Variants in PILRA observed in about 807,000 individuals in gnomAD.
The protein encoded by PILRA is paired immunoglobulin-like type 2 receptor alpha.
Under a neutral mutation model 33.1 loss-of-function variants are expected in PILRA, and 37 were observed. That is an observed-to-expected ratio of 1.12 (90% CI 0.86 to 1.47). PILRA has a LOEUF of 1.47. Ranked by LOEUF, PILRA falls within the 40% of genes most tolerant of loss-of-function variation. PILRA has a pLI of 0.00. For missense variants in PILRA, 312 were observed against 376.2 expected (o/e 0.83, Z 1.41); for synonymous variants, 146 against 149.9 (o/e 0.97, Z 0.19).
chr7:100,393,326 T>A (rs78383554), intron 3 of PILRA, among the ~76,000 whole-genome samples: 2 of 152,196 alleles, frequency 1.3e-5, no homozygotes, highest in Non-Finnish European at 1.5e-5. Flanking sequence ...ATTTTTTTTT[T>A]AATTCTGCAG....
chr7:100,376,388 T>G (rs1790947459), intron 2 of PILRA: 1 of 152,048 alleles, frequency 6.6e-6, no homozygotes, highest in African/African-American at 2.4e-5. Context: ...TTTTTTTCAC[T>G]AATAAATTGT....
At chr7:100,383,173 T>C (rs1017912312) in intron 2 of PILRA, among the ~76,000 whole-genome samples, 2 of 152,094 alleles carry the variant, frequency 1.3e-5, no homozygotes, top group Non-Finnish European at 2.9e-5. Context: ...TGAGGCACAC[T>C]TGGGGAAACC....
intron 3 of PILRA, among the ~76,000 whole-genome samples, chr7:100,391,168 T>C (rs1233762096): frequency 6.0e-5 from 6 of 99,614 alleles, no homozygotes; most frequent in Non-Finnish European, 1.4e-4. Flanking sequence ...ATAATAACAA[T>C]AATAATAATA....
At chr7:100,373,452 GA>G, upstream of PILRA, 1 of 622,514 alleles carries the variant, frequency 1.6e-6, no homozygotes, top group Non-Finnish European at 2.8e-6. Context: ...TGCAATAGGG[GA>G]AAATAAGCCA....
intron 2 of PILRA, among the ~76,000 whole-genome samples, chr7:100,380,631 A>C (rs1196658395): frequency 5.9e-5 from 9 of 152,308 alleles, no homozygotes; most frequent in Admixed American, 5.2e-4. Flanking sequence ...ATCTGGCAAC[A>C]TAGCAAGACT....
chr7:100,385,522 G>A (rs756428177), intron 2 of PILRA, among the ~76,000 whole-genome samples: 1 of 152,132 alleles, frequency 6.6e-6, no homozygotes, highest in African/African-American at 2.4e-5. Context: ...CAACACAAAT[G>A]GAATTAAACC....
In PILRA at chr7:100,389,925, T is replaced by C; in HGVS notation, c.492T>C (p.Thr164=). ...TTTTQRPSSM[T]TTWRLSSTTT... ...CCACCCAGAGGCCCAGCAGCATGAC[T>C]ACCACCTGGAGGCTCAGTAGCACAA... is the stretch of plus-strand genomic sequence containing the variant. Residue 164 remains threonine, a synonymous_variant, in exon 3 of 7, where the codon ACT becomes ACC. Transcript: ENST00000198536. 6.2e-7 allele frequency: 1 copy of C among 1,613,856 alleles called. No homozygotes were observed. The highest frequency in any genetic ancestry group is 8.5e-7 in the Non-Finnish European group (1 of 1,179,954).
chr7:100,392,797 A>C (rs1236256604), intron 3 of PILRA, among the ~76,000 whole-genome samples: 1 of 152,214 alleles, frequency 6.6e-6, no homozygotes, highest in Non-Finnish European at 1.5e-5. Flanking sequence ...GGAACTATTC[A>C]GTAGCCATCT....
chr7:100,396,987 G>T (rs1376858822), intron 3 of PILRA, among the ~76,000 whole-genome samples: 3 of 145,120 alleles, frequency 2.1e-5, no homozygotes, highest in Non-Finnish European at 3.0e-5. Context: ...TTGTTTTTTT[G>T]TTTTTTTTTT....
chr7:100,393,491 G>GC (rs892312062), intron 3 of PILRA, among the ~76,000 whole-genome samples: 1 of 152,108 alleles, frequency 6.6e-6, no homozygotes, highest in African/African-American at 2.4e-5. Flanking sequence ...GTTGTGCATG[G>GC]CTGCATTTTT....
At chr7:100,375,773 TG>T (rs1790931853) in intron 2 of PILRA, among the ~76,000 whole-genome samples, 1 of 151,400 alleles carries the variant, frequency 6.6e-6, no homozygotes, top group East Asian at 1.9e-4. Flanking sequence ...ATGAAAGGGA[TG>T]GTGAGCTGCA....
upstream of PILRA, among the ~76,000 whole-genome samples, chr7:100,373,152 C>T (rs1168853907): frequency 1.3e-5 from 2 of 152,076 alleles, no homozygotes; most frequent in African/African-American, 4.8e-5. Flanking sequence ...CCTGTGACCT[C>T]CACCGGCTTC....
At chr7:100,392,468 G>A (rs148924625) in intron 3 of PILRA, among the ~76,000 whole-genome samples, 34 of 152,316 alleles carry the variant, frequency 2.2e-4, no homozygotes, top group African/African-American at 7.9e-4. Context: ...TAGTACCTAC[G>A]TGGGGTTGTC....
At chr7:100,380,787 A>G (rs1258049932) in intron 2 of PILRA, among the ~76,000 whole-genome samples, 1 of 152,128 alleles carries the variant, frequency 6.6e-6, no homozygotes, top group Non-Finnish European at 1.5e-5. Context: ...CAACACAGCG[A>G]AACCCTCCCT....
At chr7:100,381,940 C>T (rs573780114) in intron 2 of PILRA, among the ~76,000 whole-genome samples, 4 of 152,148 alleles carry the variant, frequency 2.6e-5, no homozygotes, top group Non-Finnish European at 5.9e-5. Context: ...TCTCGCCAGG[C>T]CTTAGCTGCC....
At chr7:100,399,389 T>C (rs1278734249) in intron 5 of PILRA, 49 bp downstream of exon 5, 1 of 1,530,670 alleles carries the variant, frequency 6.5e-7, no homozygotes, top group Non-Finnish European at 9.0e-7. Context: ...TGGCACTTCC[T>C]GTTTCCCCAA....
At position 100,393,108 on chromosome 7, in the gene PILRA, C is replaced by G. The variant is rs139210534; in HGVS notation, c.673+3002C>G. Among the ~76,000 whole-genome samples, 219 of 152,076 alleles carry G rather than the reference C, an allele frequency of 1.4e-3. 2 individuals carry two copies. The East Asian group carries it at 0.034, about 24-fold the overall frequency. On this transcript the variant is annotated intron_variant, in intron 3 of 6. Coordinates refer to ENST00000198536, the MANE Select transcript of PILRA (RefSeq NM_013439.3). ...CAGCCTGGTCAACATGGTGAAACCC[C>G]GTCTCTACTAGAAATATAAAAATTA...
chr7:100,385,621 A>T (rs2130199066), intron 2 of PILRA, among the ~76,000 whole-genome samples: 1 of 152,002 alleles, frequency 6.6e-6, no homozygotes, highest in Non-Finnish European at 1.5e-5. Context: ...ATGTCTTTTT[A>T]TTTTTTATTT....
chr7:100,397,044 G>A (rs1045556005), intron 3 of PILRA, among the ~76,000 whole-genome samples: 2 of 150,948 alleles, frequency 1.3e-5, no homozygotes, highest in African/African-American at 4.9e-5. Context: ...AAAAAACAGA[G>A]GGACAGAAGA....
Sources: allele counts gnomAD v4.1 joint callset (sites outside exome capture counted in the v4.1 genomes callset), GRCh38; gene constraint gnomAD v4.1.1; transcripts MANE v1.5; gene names NCBI Gene and HGNC (gene_info 2026-07-23, HGNC 2026-07-21).